The following NPFFR2 variants were observed in gnomAD, a reference collection of about 807,000 sequenced individuals.
The protein encoded by NPFFR2 is G-protein coupled receptor 74.
Under a neutral mutation model 13.1 loss-of-function variants are expected in NPFFR2, and 15 were observed. The ratio of observed to expected loss-of-function variants is 1.15; its 90% CI spans 0.77 to 1.76. The LOEUF (loss-of-function observed/expected upper bound fraction) is 1.76, where lower values mean the gene tolerates loss of function less well. Among genes scored for constraint, NPFFR2 ranks in the 40% most tolerant of loss-of-function variants. The pLI is 0.00. For missense variants in NPFFR2, 572 were observed against 503.5 expected, an observed-to-expected ratio of 1.14 and a Z score of -1.30; for synonymous variants, 190 against 175.7, an observed-to-expected ratio of 1.08 and a Z score of -0.65.
chr4:72,040,855 C>T (rs1403729556), intron 1 of NPFFR2, among the ~76,000 whole-genome samples: 1 of 150,346 alleles, frequency 6.7e-6, no homozygotes, highest in African/African-American at 2.4e-5. Flanking sequence ...TTTTTTATGT[C>T]ATCATTTTAT....
At chr4:72,141,658 C>T (rs894096309) in intron 3 of NPFFR2, among the ~76,000 whole-genome samples, 2 of 152,106 alleles carry the variant, frequency 1.3e-5, no homozygotes, top group Non-Finnish European at 1.5e-5. Flanking sequence ...TTTACATTTG[C>T]TGAGGAGTGC....
intron 3 of NPFFR2, among the ~76,000 whole-genome samples, chr4:72,143,670 G>A (rs1276985332): frequency 6.6e-6 from 1 of 152,182 alleles, no homozygotes; most frequent in Non-Finnish European, 1.5e-5. Context: ...TCACACTTTT[G>A]TAGCAGAGAC....
Position 72,032,214 on chromosome 4 carries a change from C to T in NPFFR2, c.-8+14C>T. 6.3e-7 allele frequency: 1 copy of T among 1,589,174 alleles called. No individual in the cohort carries two copies. The highest frequency in any genetic ancestry group is 8.6e-7 in the Non-Finnish European group (1 of 1,165,684). ...TCGCCGGGAGAGGTAACAGCATGGGCCAGTTTGTCTGGGGGCCCCCGCTTG... is the reference window on the plus strand; with the variant it reads ...TCGCCGGGAGAGGTAACAGCATGGGTCAGTTTGTCTGGGGGCCCCCGCTTG... On this transcript the variant is annotated intron_variant, in intron 1 of 3. Coordinates refer to ENST00000308744, the MANE Select transcript of NPFFR2 (RefSeq NM_004885.3).
chr4:72,115,550 G>A (rs1721689750), intron 1 of NPFFR2, among the ~76,000 whole-genome samples: 1 of 152,094 alleles, frequency 6.6e-6, no homozygotes, highest in African/African-American at 2.4e-5. Context: ...GTACTATTGG[G>A]TTCAGCTGAT....
intron 1 of NPFFR2, among the ~76,000 whole-genome samples, chr4:72,047,412 C>T (rs1260494166): frequency 4.6e-5 from 7 of 152,090 alleles, no homozygotes; most frequent in Non-Finnish European, 8.8e-5. Flanking sequence ...GGCTCACTGC[C>T]CAGGGTTAAC....
intron 1 of NPFFR2, among the ~76,000 whole-genome samples, chr4:72,117,319 T>C (rs1372689400): frequency 6.6e-6 from 1 of 152,222 alleles, no homozygotes; most frequent in African/African-American, 2.4e-5. Flanking sequence ...TCCTCATTTT[T>C]ACATTTAATT....
intron 1 of NPFFR2, among the ~76,000 whole-genome samples, chr4:72,102,257 C>T (rs911081659): frequency 6.6e-6 from 1 of 151,780 alleles, no homozygotes; most frequent in Non-Finnish European, 1.5e-5. Flanking sequence ...GATTAAAGAG[C>T]TTGGACTTTG....
chr4:72,100,570 A>G (rs1002498557), intron 1 of NPFFR2, among the ~76,000 whole-genome samples: 2 of 152,066 alleles, frequency 1.3e-5, no homozygotes, highest in Non-Finnish European at 2.9e-5. Context: ...TACTAATACT[A>G]GTACTATTAT....
intron 2 of NPFFR2, among the ~76,000 whole-genome samples, chr4:72,133,820 A>T (rs1266337251): frequency 6.6e-6 from 1 of 152,012 alleles, no homozygotes; most frequent in Non-Finnish European, 1.5e-5. Flanking sequence ...ACTGTTGTGG[A>T]TGTATAGGAA....
At chr4:72,111,521 A>G (rs1157394743) in intron 1 of NPFFR2, among the ~76,000 whole-genome samples, 1 of 152,022 alleles carries the variant, frequency 6.6e-6, no homozygotes, top group Admixed American at 6.6e-5. Flanking sequence ...GACTGGCCAG[A>G]CAGCTCTGTT....
At chr4:72,094,804 CCA>C (rs1721014714) in intron 1 of NPFFR2, among the ~76,000 whole-genome samples, 1 of 152,184 alleles carries the variant, frequency 6.6e-6, no homozygotes, top group Non-Finnish European at 1.5e-5. Flanking sequence ...CAGCAACAAT[CCA>C]TCCACTTCAA....
intron 1 of NPFFR2, among the ~76,000 whole-genome samples, chr4:72,113,619 C>T (rs1578463902): frequency 6.6e-6 from 1 of 152,112 alleles, no homozygotes; most frequent in South Asian, 2.1e-4. Context: ...GCTTGCACTG[C>T]CAATCTGTGC....
chr4:72,124,398 G>A (rs1400434790), intron 1 of NPFFR2, among the ~76,000 whole-genome samples: 1 of 152,060 alleles, frequency 6.6e-6, no homozygotes, highest in East Asian at 1.9e-4. Context: ...AAAAACTACT[G>A]TAAATTTCAT....
chr4:72,097,791 A>G (rs187618158), intron 1 of NPFFR2, among the ~76,000 whole-genome samples: 1 of 152,150 alleles, frequency 6.6e-6, no homozygotes, highest in Admixed American at 6.5e-5. Flanking sequence ...AGAATATACA[A>G]CCCCCAAAAT....
At chr4:72,032,798 C>T (rs184557692) in intron 1 of NPFFR2, among the ~76,000 whole-genome samples, 48 of 152,216 alleles carry the variant, frequency 3.2e-4, no homozygotes, top group African/African-American at 1.1e-3. Flanking sequence ...AACAGTGCCG[C>T]CCTAGGTCAA....
At chr4:72,092,035 T>C (rs1391954471) in intron 1 of NPFFR2, among the ~76,000 whole-genome samples, 3 of 152,106 alleles carry the variant, frequency 2.0e-5, no homozygotes, top group Non-Finnish European at 4.4e-5. Context: ...ATAGTTTATA[T>C]CACTATTATC....
chr4:72,059,984 A>G (rs1719874421), intron 1 of NPFFR2, among the ~76,000 whole-genome samples: 1 of 152,122 alleles, frequency 6.6e-6, no homozygotes, highest in Admixed American at 6.6e-5. Flanking sequence ...TTCCTTTATT[A>G]AAACATCTAT....
At chr4:72,144,258 C>A (rs373129121) in intron 3 of NPFFR2, among the ~76,000 whole-genome samples, 1 of 152,084 alleles carries the variant, frequency 6.6e-6, no homozygotes, top group South Asian at 2.1e-4. Flanking sequence ...AGCAAGGCTA[C>A]TTGAAGGTAC....
At chr4:72,085,734 T>C (rs553256147) in intron 1 of NPFFR2, among the ~76,000 whole-genome samples, 1 of 152,170 alleles carries the variant, frequency 6.6e-6, no homozygotes, top group Non-Finnish European at 1.5e-5. Context: ...AAAAAGCCTC[T>C]GAACCCTCCT....
Sources: gnomAD v4.1 joint callset for allele counts (sites outside exome capture counted in the v4.1 genomes callset) on GRCh38, gnomAD v4.1.1 for gene constraint, MANE v1.5 for transcripts, NCBI Gene and HGNC (gene_info 2026-07-23, HGNC 2026-07-21) for gene names.